HIPK1: variants seen among roughly 807,000 people sequenced by gnomAD.
The protein encoded by HIPK1 is homeodomain interacting protein kinase 1.
HIPK1 carries 28 observed loss-of-function variants against 117.1 expected under a neutral mutation model. The observed-to-expected ratio is 0.24, with a 90% confidence interval of 0.18 to 0.33. The LOEUF (loss-of-function observed/expected upper bound fraction) is 0.33. HIPK1 is among the 10% of genes least tolerant of loss of function. HIPK1 has a pLI of 1.00. For synonymous variants in HIPK1, 605 were observed against 562.5 expected (o/e 1.08, Z -1.07); for missense variants, 1,122 against 1,475.1 (o/e 0.76, Z 3.92).
intron 1 of HIPK1, among the ~76,000 whole-genome samples, chr1:113,934,875 A>G (rs11102704): frequency 0.11 from 15,610 of 147,564 alleles, 1,488 homozygotes; most frequent in East Asian, 0.52. Context: ...CTGTAGTCCT[A>G]GCTACTTGGA....
Position 113,968,476 on chromosome 1 carries a change from T to G in HIPK1, c.2599T>G (p.Ser867Ala). 1 of 1,614,030 alleles carries G rather than the reference T, an allele frequency of 6.2e-7. No homozygotes were observed. Among genetic ancestry groups the G allele is most frequent in the Non-Finnish European group, 8.5e-7 (1 of 1,179,878 alleles). ...AGATGTTCTGCCTTCCCAAGTCTAT[T>G]CTCTGGTTGGGAGCAGTCCCCTCCG... The part of the protein sequence containing the change: ...SLDVLPSQVY[S>A]LVGSSPLRTT... The change falls in exon 13 of 16, where the codon TCT becomes GCT. Residue 867 changes from serine to alanine, a missense_variant. Transcript: ENST00000426820.
rs374760868 is a variant in HIPK1 at position 113,970,132 on chromosome 1, G to T, written c.2948G>T (p.Arg983Leu). 1.9e-6 allele frequency: 3 copies of T among 1,614,012 alleles called. No individual in the cohort carries two copies. The highest frequency in any genetic ancestry group is 1.3e-5 in the African/African-American group (1 of 74,906). The change falls in exon 14 of 16, where the codon CGC becomes CTC. Residue 983 changes from arginine to leucine, a missense_variant. Physicochemically the swap from Arg to Leu is moderately radical, Grantham distance 102. Coordinates refer to ENST00000426820, the MANE Select transcript of HIPK1 (RefSeq NM_198268.3). ...GRVVADGTGT[R>L]TIIVPPLKTQ... is the part of the protein sequence containing the mutation. ...GTTGTGGCAGATGGCACTGGCACCCGCACTATCATTGTGCCTCCACTGAAA... is the reference window on the plus strand; with the variant it reads ...GTTGTGGCAGATGGCACTGGCACCCTCACTATCATTGTGCCTCCACTGAAA...
At chr1:113,938,833 C>T (rs1424027367) in intron 1 of HIPK1, among the ~76,000 whole-genome samples, 1 of 151,186 alleles carries the variant, frequency 6.6e-6, no homozygotes, top group Non-Finnish European at 1.5e-5. Flanking sequence ...TTGCTTGAGC[C>T]CCAGAGGTGA....
rs778750886 is a variant in HIPK1 at position 113,956,633 on chromosome 1, A to T, written c.1414A>T (p.Met472Leu). 3 of 1,608,550 alleles carry T rather than the reference A, an allele frequency of 1.9e-6. No homozygotes were observed. The highest frequency in any genetic ancestry group is 2.5e-6 in the Non-Finnish European group (3 of 1,178,208). ...NCLDDMAQVN[M>L]STDLEGTDML... Reference sequence around the variant, plus strand: ...TCTGAATTTTCTTTGGAAGGTGAATATGTCTACAGACCTGGAGGGAACAGA... The same window carrying T: ...TCTGAATTTTCTTTGGAAGGTGAATTTGTCTACAGACCTGGAGGGAACAGA... The change falls in exon 6 of 16, where the codon ATG (methionine) becomes TTG (leucine). Residue 472 changes from methionine (M) to leucine (L), a missense_variant. Met to Leu is a conservative substitution (Grantham distance 15, BLOSUM62 2). Transcript: ENST00000426820.
intron 1 of HIPK1, among the ~76,000 whole-genome samples, chr1:113,931,689 ACTT>A (rs953419776): frequency 3.9e-5 from 6 of 152,198 alleles, no homozygotes; most frequent in African/African-American, 1.4e-4. Context: ...TGGAAAATAA[ACTT>A]CTTTCATTCT....
At chr1:113,929,704 G>A in intron 1 of HIPK1, 172 bp downstream of exon 1, 2 of 811,598 alleles carry the variant, frequency 2.5e-6, no homozygotes, top group Non-Finnish European at 3.1e-6. Flanking sequence ...GGGAGCGCGC[G>A]GGGCTGAGGC....
At chr1:113,968,719 G>A in intron 13 of HIPK1, 71 bp downstream of exon 13, 1 of 1,330,744 alleles carries the variant, frequency 7.5e-7, no homozygotes, top group South Asian at 1.2e-5. Flanking sequence ...GGCCCAGTTT[G>A]GCCTGTGAAA....
chr1:113,937,020 T>G (rs1368323679), intron 1 of HIPK1, among the ~76,000 whole-genome samples: 1 of 152,220 alleles, frequency 6.6e-6, no homozygotes, highest in Non-Finnish European at 1.5e-5. Flanking sequence ...AATAGGTGCA[T>G]TTTGTAAAGG....
chr1:113,972,896 G>C, intron 15 of HIPK1, 128 bp from the exon 16 acceptor site: 1 of 928,370 alleles, frequency 1.1e-6, no homozygotes, highest in East Asian at 2.8e-5. Flanking sequence ...TTCAATGCCA[G>C]TGTGGGAGAT....
At chr1:113,937,681 G>A (rs1670341395) in intron 1 of HIPK1, among the ~76,000 whole-genome samples, 1 of 152,144 alleles carries the variant, frequency 6.6e-6, no homozygotes, top group Non-Finnish European at 1.5e-5. Flanking sequence ...CTGTAGCTGG[G>A]AATGTAGCAT....
At position 113,974,565 on chromosome 1, in the gene HIPK1, A is replaced by T. The variant is rs1199387635; in HGVS notation, c.*1053A>T. 1 of 152,750 alleles carries T rather than the reference A, an allele frequency of 6.5e-6. No individual in the cohort carries two copies. The highest frequency in any genetic ancestry group is 1.5e-5 in the Non-Finnish European group (1 of 68,036). 9.5% of individuals were successfully genotyped at this position (152,750 alleles called of 1,614,324 possible). A position where few individuals can be genotyped will look rare whatever the true frequency, so the allele number is the denominator to read the frequency against. On this transcript the variant is annotated 3_prime_UTR_variant, in exon 16 of 16. Transcript: ENST00000426820. ...GGGGAGAAAGCTAAAAAAACCTGAA[A>T]CCAGATAAGAACATTTCTTGTGTAT...
intron 3 of HIPK1, among the ~76,000 whole-genome samples, chr1:113,954,226 G>A (rs115201191): frequency 0.01 from 1,588 of 152,198 alleles, 34 homozygotes; most frequent in African/African-American, 0.036. Flanking sequence ...GCCTCCCAAA[G>A]TACTGGGATT....
intron 2 of HIPK1, chr1:113,951,167 C>A: frequency 3.3e-6 from 3 of 917,170 alleles, no homozygotes; most frequent in Non-Finnish European, 3.9e-6. Context: ...ATTTATGTGT[C>A]ATTTATTATT....
chr1:113,960,859 A>C (rs569020665), intron 8 of HIPK1, among the ~76,000 whole-genome samples: 1 of 152,190 alleles, frequency 6.6e-6, no homozygotes, highest in South Asian at 2.1e-4. Context: ...TAAATTACTC[A>C]TAAATTACTG....
At chr1:113,951,368 A>C (rs772531514) in intron 2 of HIPK1, 5 of 762,274 alleles carry the variant, frequency 6.6e-6, no homozygotes, top group Non-Finnish European at 8.0e-6. Flanking sequence ...CAGGGATTCA[A>C]ATCCTAGCTC....
intron 12 of HIPK1, 130 bp downstream of exon 12, chr1:113,968,078 C>T: frequency 1.3e-6 from 1 of 750,188 alleles, no homozygotes; most frequent in East Asian, 2.8e-5. Context: ...TGAGGAAGAG[C>T]AAATCATTTC....
rs766257451 is a variant in HIPK1, at chr1:113,966,260, T to C, written c.2369T>C (p.Leu790Pro). 1 of 1,613,286 alleles carries C rather than the reference T, an allele frequency of 6.2e-7. No individual in the cohort carries two copies. Among genetic ancestry groups the C allele is most frequent in the Non-Finnish European group, 8.5e-7 (1 of 1,179,626 alleles). ...GAGGCCATGGGGAGTGGACAGCAGCTAGCTGACTGGAGGCAAGTGTCCTGT... is the reference window on the plus strand; with the variant it reads ...GAGGCCATGGGGAGTGGACAGCAGCCAGCTGACTGGAGGCAAGTGTCCTGT... ...IPEAMGSGQQ[L>P]ADWRNAHSHG... Residue 790 changes from leucine to proline, a missense_variant, in exon 11 of 16, where the codon CTA becomes CCA. By Grantham distance (98) the Leu-to-Pro change is moderately conservative (BLOSUM62 -3). This residue lies in a region of HIPK1 where 731 missense variants were observed against 860.4 expected (regional missense o/e 0.85). Coordinates refer to ENST00000426820, the MANE Select transcript of HIPK1 (RefSeq NM_198268.3).
chr1:113,974,926 AT>A lies in HIPK1; in HGVS notation c.*1416del, dbSNP rs1462306554. The A allele has an allele frequency of 2.0e-5, 3 of 152,792 alleles. No homozygotes were observed. Among genetic ancestry groups the A allele is most frequent in the Non-Finnish European group, 4.4e-5 (3 of 68,046 alleles). 9.5% of individuals were successfully genotyped at this position (152,792 alleles called of 1,614,324 possible). On this transcript the variant is annotated 3_prime_UTR_variant, in exon 16 of 16. Transcript: ENST00000426820. Reference sequence around the variant, plus strand: ...ATCCCGGAGATGGATTGATGTCTCCATTGTATTTAAACCAAAATGAACTGAT... The same window carrying A: ...ATCCCGGAGATGGATTGATGTCTCCATGTATTTAAACCAAAATGAACTGAT...
At chr1:113,962,874 A>T (rs991690172) in intron 9 of HIPK1, among the ~76,000 whole-genome samples, 4 of 152,232 alleles carry the variant, frequency 2.6e-5, no homozygotes, top group African/African-American at 9.6e-5. Context: ...AGGCTGGATC[A>T]CATCAGGATG....
Sources: allele counts gnomAD v4.1 joint callset (sites outside exome capture counted in the v4.1 genomes callset), GRCh38; gene constraint gnomAD v4.1.1; regional missense constraint gnomAD v4.1.1; transcripts MANE v1.5; gene names NCBI Gene and HGNC (gene_info 2026-07-23, HGNC 2026-07-21).